The following SYT1 variants were observed in gnomAD, a reference collection of about 807,000 sequenced individuals.
SYT1 encodes the protein synaptotagmin 1.
A neutral mutation model predicts 44.8 loss-of-function variants in SYT1; 8 were observed. That is an observed-to-expected ratio of 0.18 (90% CI 0.10 to 0.32). The LOEUF (loss-of-function observed/expected upper bound fraction) is 0.32. Ranked by LOEUF, SYT1 falls within the 10% of genes least tolerant of loss-of-function variation. The pLI is 1.00. For missense variants in SYT1, 286 were observed against 509.3 expected (o/e 0.56, Z 4.22); for synonymous variants, 154 against 188.8 (o/e 0.82, Z 1.51).
rs907565561 is a variant in SYT1 at position 79,048,309 on chromosome 12, T to A, written c.-18+947T>A. On this transcript the variant is annotated intron_variant, in intron 3 of 10. Transcript: ENST00000261205. ...AAGTAGAAATTTCTAAATAATTTTA[T>A]AGGATATATACAAATTATTCCTGCA... Among the ~76,000 whole-genome samples, 3 of 151,870 alleles carry A rather than the reference T, an allele frequency of 2.0e-5. No individual in the cohort carries two copies. In the East Asian group the frequency reaches 5.8e-4, roughly 29 times the overall value.
At chr12:79,435,010 T>G (rs920175487) in intron 9 of SYT1, among the ~76,000 whole-genome samples, 1 of 152,148 alleles carries the variant, frequency 6.6e-6, no homozygotes, top group Non-Finnish European at 1.5e-5. Context: ...TCACATTCTT[T>G]TAGACACAGG....
At chr12:79,432,830 T>C (rs1206744159) in intron 9 of SYT1, among the ~76,000 whole-genome samples, 1 of 152,112 alleles carries the variant, frequency 6.6e-6, no homozygotes, top group Non-Finnish European at 1.5e-5. Context: ...GCCAGGCTGG[T>C]TTCGAACTCT....
intron 4 of SYT1, among the ~76,000 whole-genome samples, chr12:79,271,222 C>T (rs947428675): frequency 3.9e-5 from 6 of 152,096 alleles, no homozygotes; most frequent in African/African-American, 1.4e-4. Context: ...GGAGCATTTA[C>T]TTTTAAAATA....
At chr12:78,961,203 G>A (rs1199368035) in intron 1 of SYT1, among the ~76,000 whole-genome samples, 1 of 151,924 alleles carries the variant, frequency 6.6e-6, no homozygotes, top group Non-Finnish European at 1.5e-5. Flanking sequence ...CAACTCCTGG[G>A]ATCACTTCCT....
At position 79,368,359 on chromosome 12, in the gene SYT1, C is replaced by T. The variant is rs533523811; in HGVS notation, c.928+14740C>T. Among the ~76,000 whole-genome samples the T allele has an allele frequency of 7.4e-4, 112 of 152,184 alleles. 2 individuals are homozygous for T. In the South Asian group the frequency reaches 0.02, roughly 28 times the overall value. ...TGTGAATAGTGCCTCAATAAACATACGTGTGCATGTGTCTTTACAGCAGCA... is the reference window on the plus strand; with the variant it reads ...TGTGAATAGTGCCTCAATAAACATATGTGTGCATGTGTCTTTACAGCAGCA... On this transcript the variant is annotated intron_variant, in intron 9 of 10. Transcript: ENST00000261205.
intron 3 of SYT1, among the ~76,000 whole-genome samples, chr12:79,160,934 A>G (rs1329156003): frequency 6.6e-6 from 1 of 152,158 alleles, no homozygotes; most frequent in Non-Finnish European, 1.5e-5. Flanking sequence ...ATAGTGGTCC[A>G]TAAAATTATA....
chr12:79,415,417 A>G (rs1868670738), intron 9 of SYT1, among the ~76,000 whole-genome samples: 1 of 152,202 alleles, frequency 6.6e-6, no homozygotes, highest in Non-Finnish European at 1.5e-5. Flanking sequence ...TTGAAGCTCC[A>G]TTGCAAAACA....
chr12:79,341,660 CTTTTTTTTTTTTTTTTT>C (rs34759181), intron 8 of SYT1, among the ~76,000 whole-genome samples: 1 of 63,042 alleles, frequency 1.6e-5, no homozygotes, highest in African/African-American at 7.1e-5. Context: ...TACATTCATT[CTTTTTTTTTTTTTTTTT>C]TTTTTTTTTG....
chr12:79,406,864 C>T (rs185865868), intron 9 of SYT1, among the ~76,000 whole-genome samples: 13 of 152,192 alleles, frequency 8.5e-5, no homozygotes, highest in African/African-American at 3.1e-4. Context: ...TCAGCCCTCC[C>T]GGAATGTCTG....
At chr12:79,352,713 T>G (rs1476410690) in intron 8 of SYT1, among the ~76,000 whole-genome samples, 1 of 152,122 alleles carries the variant, frequency 6.6e-6, no homozygotes, top group Non-Finnish European at 1.5e-5. Context: ...AAAGTAAAAT[T>G]CTCTATACCA....
intron 3 of SYT1, among the ~76,000 whole-genome samples, chr12:79,058,066 G>C (rs2137827673): frequency 6.6e-6 from 1 of 152,082 alleles, no homozygotes; most frequent in South Asian, 2.1e-4. Flanking sequence ...ATTTTAAGAA[G>C]TGAACAATTA....
chr12:79,409,740 G>C (rs1009233987), intron 9 of SYT1, among the ~76,000 whole-genome samples: 6 of 152,044 alleles, frequency 3.9e-5, no homozygotes, highest in Admixed American at 2.6e-4. Context: ...TTGGCAGTGG[G>C]TTTCTGCTAC....
chr12:79,063,676 A>T (rs114296038), intron 3 of SYT1, among the ~76,000 whole-genome samples: 1 of 152,130 alleles, frequency 6.6e-6, no homozygotes. Context: ...AATGGCATCA[A>T]ATTCTCTGAA....
chr12:78,962,292 C>A (rs891999384), intron 1 of SYT1, among the ~76,000 whole-genome samples: 1 of 151,192 alleles, frequency 6.6e-6, no homozygotes, highest in Non-Finnish European at 1.5e-5. Context: ...AGTATTTTGA[C>A]CACTGCTTGG....
intron 8 of SYT1, among the ~76,000 whole-genome samples, chr12:79,310,028 C>A (rs1565902341): frequency 6.6e-6 from 1 of 152,186 alleles, no homozygotes; most frequent in East Asian, 1.9e-4. Flanking sequence ...TAATTACATC[C>A]CATTTGTCAA....
At chr12:79,051,778 A>G (rs1435205522) in intron 3 of SYT1, among the ~76,000 whole-genome samples, 2 of 151,996 alleles carry the variant, frequency 1.3e-5, no homozygotes, top group African/African-American at 2.4e-5. Context: ...AAATTCTTAT[A>G]TATATTATCC....
intron 1 of SYT1, among the ~76,000 whole-genome samples, chr12:78,903,898 T>G (rs1875805940): frequency 1.3e-5 from 2 of 152,016 alleles, no homozygotes; most frequent in African/African-American, 2.4e-5. Flanking sequence ...CCTTTTAAGC[T>G]AGAGGACAAT....
At chr12:79,000,790 T>C (rs1870690227) in intron 2 of SYT1, among the ~76,000 whole-genome samples, 1 of 152,152 alleles carries the variant, frequency 6.6e-6, no homozygotes, top group South Asian at 2.1e-4. Flanking sequence ...TTTTTTTTCA[T>C]CACGATTTAA....
intron 9 of SYT1, among the ~76,000 whole-genome samples, chr12:79,394,385 C>T (rs1246853474): frequency 6.6e-6 from 1 of 152,164 alleles, no homozygotes; most frequent in Non-Finnish European, 1.5e-5. Flanking sequence ...AAAAAAATTA[C>T]AGGCAGAAGC....
Sources: gnomAD v4.1 joint callset for allele counts (sites outside exome capture counted in the v4.1 genomes callset) on GRCh38, gnomAD v4.1.1 for gene constraint, MANE v1.5 for transcripts, NCBI Gene and HGNC (gene_info 2026-07-23, HGNC 2026-07-21) for gene names.